Variants in HDHD2 observed in about 807,000 individuals in gnomAD.
HDHD2 encodes the protein haloacid dehalogenase like hydrolase domain containing 2.
HDHD2 carries 26 observed loss-of-function variants against 24.8 expected under a neutral mutation model. That is an observed-to-expected ratio of 1.05 (90% CI 0.77 to 1.45). The LOEUF is 1.45. Among genes scored for constraint, HDHD2 ranks in the 40% most tolerant of loss-of-function variants. The probability of loss-of-function intolerance (pLI) is 0.00; values close to 1 mark genes in which losing one functional copy is unlikely to be tolerated. For missense variants in HDHD2, 299 were observed against 313.4 expected, an observed-to-expected ratio of 0.95 and a Z score of 0.35; for synonymous variants, 128 against 114.9, an observed-to-expected ratio of 1.11 and a Z score of -0.73.
At chr18:47,134,442 G>A (rs1480789492) in intron 3 of HDHD2, 54 bp downstream of exon 3, 1 of 1,236,660 alleles carries the variant, frequency 8.1e-7, no homozygotes, top group East Asian at 2.3e-5. Flanking sequence ...TTTTAAAAAT[G>A]ATTTGTAAGT....
rs111830295 is a variant in HDHD2, at chr18:47,118,142, A to G, written c.396-2794T>C. 5.9e-3 allele frequency among the ~76,000 whole-genome samples: 900 copies of G among 152,268 alleles called. 12 individuals carry two copies. The highest frequency in any genetic ancestry group is 0.021 in the African/African-American group (872 of 41,566). On this transcript the variant is annotated intron_variant, in intron 4 of 6. Transcript: ENST00000300605. ...CAGGGAGCAGGGCTACCATATAAAAATCTCAGGCAGAGCAGCGAGAGAAAG... is the reference window on the plus strand; with the variant it reads ...CAGGGAGCAGGGCTACCATATAAAAGTCTCAGGCAGAGCAGCGAGAGAAAG...
chr18:47,130,515 TG>T (rs747107811), intron 3 of HDHD2, among the ~76,000 whole-genome samples, 187 bp from the exon 4 acceptor site: 7 of 152,002 alleles, frequency 4.6e-5, no homozygotes, highest in Non-Finnish European at 8.8e-5. Context: ...GAGAGGGAGA[TG>T]GGGGTTGGGA....
At chr18:47,131,631 A>T (rs2063714515) in intron 3 of HDHD2, among the ~76,000 whole-genome samples, 1 of 152,208 alleles carries the variant, frequency 6.6e-6, no homozygotes, top group Non-Finnish European at 1.5e-5. Context: ...TTCCTATTCA[A>T]AAGTAGTCAT....
rs146062658 is a variant in HDHD2 at position 47,150,363 on chromosome 18, A to T, written c.-11+15T>A. On this transcript the variant is annotated intron_variant, in intron 1 of 6. Coordinates refer to ENST00000300605, the MANE Select transcript of HDHD2 (RefSeq NM_032124.5). ...ATTGCGCTTCTTCCTCTTCAGTCCT[A>T]CAGCGGCTTCTCACCCACACTCCGT... 6.6e-6 allele frequency: 1 copy of T among 152,526 alleles called. No homozygotes were observed. Among genetic ancestry groups the T allele is most frequent in the East Asian group, 1.9e-4 (1 of 5,180 alleles). 9.4% of individuals were successfully genotyped at this position (152,526 alleles called of 1,614,324 possible).
intron 1 of HDHD2, among the ~76,000 whole-genome samples, chr18:47,143,230 T>C (rs545158153): frequency 3.9e-5 from 6 of 152,236 alleles, no homozygotes; most frequent in East Asian, 1.9e-4. Flanking sequence ...GGTAGGAGGA[T>C]TGCTTGAATC....
intron 1 of HDHD2, among the ~76,000 whole-genome samples, chr18:47,137,809 C>CA (rs553276125): frequency 0.014 from 1,979 of 141,500 alleles, 23 homozygotes; most frequent in Non-Finnish European, 0.02. Flanking sequence ...ATAAATTACT[C>CA]AAAAAAAAAA....
At chr18:47,146,053 G>C (rs1272452258) in intron 1 of HDHD2, among the ~76,000 whole-genome samples, 1 of 151,952 alleles carries the variant, frequency 6.6e-6, no homozygotes, top group Non-Finnish European at 1.5e-5. Flanking sequence ...TCAACATGGT[G>C]AAACCCTGTC....
intron 4 of HDHD2, among the ~76,000 whole-genome samples, chr18:47,125,192 T>C (rs557304776): frequency 2.7e-4 from 41 of 151,704 alleles, no homozygotes; most frequent in African/African-American, 9.7e-4. Context: ...AAAAACCAAA[T>C]AGGAACTCAG....
At chr18:47,145,335 C>G (rs931845705) in intron 1 of HDHD2, among the ~76,000 whole-genome samples, 6 of 152,162 alleles carry the variant, frequency 3.9e-5, no homozygotes, top group African/African-American at 1.2e-4. Context: ...CAAAGAAGAA[C>G]AAGAAAGTAG....
rs540046963 is a variant in HDHD2 at position 47,133,141 on chromosome 18, C to T, written c.310+1355G>A. Among the ~76,000 whole-genome samples the T allele has an allele frequency of 6.9e-4, 105 of 151,750 alleles. 1 individual carries two copies. The highest frequency in any genetic ancestry group is 2.5e-3 in the African/African-American group (101 of 41,198). On this transcript the variant is annotated intron_variant, in intron 3 of 6. Coordinates refer to ENST00000300605, the MANE Select transcript of HDHD2 (RefSeq NM_032124.5). Reference sequence around the variant, plus strand: ...GGTATATCTCCTAACGCTATCCCTCCCCACTCCCCCCACCCCACAACAGGC... The same window carrying T: ...GGTATATCTCCTAACGCTATCCCTCTCCACTCCCCCCACCCCACAACAGGC...
intron 4 of HDHD2, among the ~76,000 whole-genome samples, chr18:47,127,129 C>A (rs2063666669): frequency 6.6e-6 from 1 of 152,072 alleles, no homozygotes; most frequent in African/African-American, 2.4e-5. Context: ...CCACTGCACT[C>A]CAACCTGGGT....
Position 47,111,848 on chromosome 18 carries a change from C to T in HDHD2, c.676+1129G>A, listed in dbSNP as rs562033170. 450 of 979,896 alleles carry T rather than the reference C, an allele frequency of 4.6e-4. 3 individuals are homozygous for T. The South Asian group carries it at 0.016, about 35-fold the overall frequency. 60.7% of individuals were successfully genotyped at this position (979,896 alleles called of 1,614,324 possible). On this transcript the variant is annotated intron_variant, in intron 6 of 6. Coordinates refer to ENST00000300605, the MANE Select transcript of HDHD2 (RefSeq NM_032124.5). ...TTTTCTTGAACAAACATCATAGTCACTTTTTCTAAAAAATTCCCCAGTTGT... is the reference window on the plus strand; with the variant it reads ...TTTTCTTGAACAAACATCATAGTCATTTTTTCTAAAAAATTCCCCAGTTGT...
At chr18:47,114,425 C>T (rs1038371724) in intron 5 of HDHD2, among the ~76,000 whole-genome samples, 3 of 152,170 alleles carry the variant, frequency 2.0e-5, no homozygotes, top group South Asian at 2.1e-4. Context: ...ACATTTGTGA[C>T]GATCCCTCCC....
chr18:47,129,785 ACTG>A (rs939285426), intron 4 of HDHD2, among the ~76,000 whole-genome samples: 10 of 152,076 alleles, frequency 6.6e-5, no homozygotes, highest in African/African-American at 2.2e-4. Flanking sequence ...AAAAGATAAA[ACTG>A]CTGCTCGGGC....
At chr18:47,136,283 G>T (rs760445698) in intron 2 of HDHD2, 56 bp downstream of exon 2, 1 of 1,603,972 alleles carries the variant, frequency 6.2e-7, no homozygotes, top group Admixed American at 1.7e-5. Context: ...ATGATCTGCC[G>T]TGGTAAAATG....
chr18:47,137,066 C>G (rs2063773607), intron 1 of HDHD2: 2 of 727,992 alleles, frequency 2.7e-6, no homozygotes, highest in Non-Finnish European at 5.2e-6. Flanking sequence ...GAACAACGAT[C>G]ATATTAACTT....
At position 47,108,805 on chromosome 18, in the gene HDHD2, A is replaced by T; in HGVS notation, c.677-20T>A. The T allele has an allele frequency of 6.9e-7, 1 of 1,448,138 alleles. No individual in the cohort carries two copies. Among genetic ancestry groups the T allele is most frequent in the Non-Finnish European group, 9.7e-7 (1 of 1,029,614 alleles). 89.7% of individuals were successfully genotyped at this position (1,448,138 alleles called of 1,614,324 possible). On this transcript the variant is annotated intron_variant, in intron 6 of 6. Coordinates refer to ENST00000300605, the MANE Select transcript of HDHD2 (RefSeq NM_032124.5). Reference sequence around the variant, plus strand: ...ATTTCCCTGAAATGAAAGTAAAGCCAGTAAACACAGGCTGCCACCAGAATG... The same window carrying T: ...ATTTCCCTGAAATGAAAGTAAAGCCTGTAAACACAGGCTGCCACCAGAATG...
chr18:47,130,163 TA>T, intron 4 of HDHD2, 80 bp downstream of exon 4: 1 of 859,266 alleles, frequency 1.2e-6, no homozygotes, highest in Non-Finnish European at 1.9e-6. Context: ...GTAAAACACA[TA>T]AACCCATTCA....
At chr18:47,145,368 GACTT>G (rs2063859073) in intron 1 of HDHD2, among the ~76,000 whole-genome samples, 1 of 152,202 alleles carries the variant, frequency 6.6e-6, no homozygotes, top group Admixed American at 6.5e-5. Flanking sequence ...CTAATATCCA[GACTT>G]ACTTAATGAG....
Sources: gnomAD v4.1 joint callset for allele counts (sites outside exome capture counted in the v4.1 genomes callset) on GRCh38, gnomAD v4.1.1 for gene constraint, MANE v1.5 for transcripts, NCBI Gene and HGNC (gene_info 2026-07-23, HGNC 2026-07-21) for gene names.